CHSY1: variants seen among roughly 807,000 people sequenced by gnomAD.
CHSY1 encodes the protein chondroitin sulfate synthase 1.
In CHSY1, 13 loss-of-function variants were observed where a neutral mutation model predicts 59.8. The observed-to-expected ratio is 0.22, with a 90% CI of 0.14 to 0.35. The LOEUF (loss-of-function observed/expected upper bound fraction) is 0.35. Ranked by LOEUF, CHSY1 falls within the 10% of genes least tolerant of loss-of-function variation. The probability of loss-of-function intolerance (pLI) is 1.00; values close to 1 mark genes in which losing one functional copy is unlikely to be tolerated. For synonymous variants in CHSY1, 459 were observed against 401.2 expected (o/e 1.14, Z -1.72); for missense variants, 947 against 1,030.6 (o/e 0.92, Z 1.11).
rs1319828407 is a variant in CHSY1 at position 101,178,148 on chromosome 15, A to T, written c.1649T>A (p.Phe550Tyr). The T allele has an allele frequency of 1.2e-6, 2 of 1,614,198 alleles. No homozygotes were observed. Among genetic ancestry groups the T allele is most frequent in the Non-Finnish European group, 1.7e-6 (2 of 1,180,022 alleles). The change falls in exon 3 of 3, where the codon TTT becomes TAT. Residue 550 changes from phenylalanine to tyrosine, a missense_variant. Coordinates refer to ENST00000254190, the MANE Select transcript of CHSY1 (RefSeq NM_014918.5). ...ACACGTCTTCTCAAAGTTTCCCATA[A>T]ATCTCACAAACATGTCGAAACGCCC... is the stretch of plus-strand genomic sequence containing the variant. ...LSGRFDMFVR[F>Y]MGNFEKTCLI...
chr15:101,238,264 T>C (rs1467874380), intron 1 of CHSY1, among the ~76,000 whole-genome samples: 1 of 152,206 alleles, frequency 6.6e-6, no homozygotes, highest in African/African-American at 2.4e-5. Context: ...TCCAGAACTT[T>C]TTTCATCTTG....
At chr15:101,190,914 C>A (rs74660635) in intron 2 of CHSY1, among the ~76,000 whole-genome samples, 1 of 152,204 alleles carries the variant, frequency 6.6e-6, no homozygotes, top group South Asian at 2.1e-4. Flanking sequence ...CCGAGAGGAG[C>A]GACGCGAAAT....
chr15:101,244,076 A>T (rs28465510), intron 1 of CHSY1, among the ~76,000 whole-genome samples: 47,190 of 152,128 alleles, frequency 0.31, 10,027 homozygotes, highest in African/African-American at 0.61. Flanking sequence ...GTCTACAGAA[A>T]AAATGCTGCA....
intron 2 of CHSY1, among the ~76,000 whole-genome samples, chr15:101,224,894 A>G (rs534630490): frequency 1.3e-5 from 2 of 152,244 alleles, no homozygotes; most frequent in Non-Finnish European, 2.9e-5. Flanking sequence ...TGTTAGAACT[A>G]AAGACTCAAA....
chr15:101,220,074 T>C (rs527594596), intron 2 of CHSY1, among the ~76,000 whole-genome samples: 1 of 152,296 alleles, frequency 6.6e-6, no homozygotes, highest in Admixed American at 6.5e-5. Flanking sequence ...TTTTTAAACA[T>C]AATATTCACT....
Position 101,178,139 on chromosome 15 carries a change from T to C in CHSY1, c.1658A>G (p.Asn553Ser). The C allele has an allele frequency of 6.2e-7, 1 of 1,614,152 alleles. No homozygotes were observed. Among genetic ancestry groups the C allele is most frequent in the Non-Finnish European group, 8.5e-7 (1 of 1,180,000 alleles). The change falls in exon 3 of 3, where the codon AAC becomes AGC. Residue 553 changes from asparagine to serine, a missense_variant. Physicochemically the swap from Asn to Ser is conservative, Grantham distance 46. Transcript: ENST00000254190. ...GGGGATAAGACACGTCTTCTCAAAG[T>C]TTCCCATAAATCTCACAAACATGTC... Reference protein sequence around the residue: ...RFDMFVRFMGNFEKTCLIPNQ... With the variant: ...RFDMFVRFMGSFEKTCLIPNQ...
At chr15:101,238,941 A>C (rs953034761) in intron 1 of CHSY1, among the ~76,000 whole-genome samples, 1 of 152,198 alleles carries the variant, frequency 6.6e-6, no homozygotes, top group Non-Finnish European at 1.5e-5. Context: ...AAATGCGACA[A>C]TGTGTGAATG....
intron 1 of CHSY1, among the ~76,000 whole-genome samples, chr15:101,241,384 C>T (rs890765133): frequency 3.9e-5 from 6 of 152,174 alleles, no homozygotes; most frequent in South Asian, 2.1e-4. Context: ...CCATTGCGCC[C>T]GGCCAATAGT....
Position 101,178,694 on chromosome 15 carries a change from C to G in CHSY1, c.1103G>C (p.Arg368Pro). The change falls in exon 3 of 3, where the codon CGC becomes CCC. Residue 368 changes from arginine to proline, a missense_variant. Around this residue, in one of 4 missense-constraint regions of CHSY1, gnomAD observed 602 missense variants for 676.9 expected, o/e 0.89. Coordinates refer to ENST00000254190, the MANE Select transcript of CHSY1 (RefSeq NM_014918.5). ...IPPSFMRFQP[R>P]QREEILEWEF... ...CCATTCCAGAATCTCCTCTCGCTGG[C>G]GGGGCTGAAACCTCATGAAGGAGGG... The G allele has an allele frequency of 6.2e-7, 1 of 1,614,194 alleles. No homozygotes were observed. The highest frequency in any genetic ancestry group is 8.5e-7 in the Non-Finnish European group (1 of 1,180,040).
chr15:101,196,788 T>C (rs2038511817), intron 2 of CHSY1, among the ~76,000 whole-genome samples: 1 of 151,994 alleles, frequency 6.6e-6, no homozygotes, highest in African/African-American at 2.4e-5. Context: ...CTTTGGGAGG[T>C]CAAGGCAAGG....
intron 2 of CHSY1, among the ~76,000 whole-genome samples, chr15:101,192,758 G>A (rs576118033): frequency 6.6e-6 from 1 of 151,986 alleles, no homozygotes; most frequent in African/African-American, 2.4e-5. Flanking sequence ...TTATCCAAAG[G>A]TTAAGATGTC....
At chr15:101,198,735 C>T (rs905964713) in intron 2 of CHSY1, among the ~76,000 whole-genome samples, 4 of 152,238 alleles carry the variant, frequency 2.6e-5, no homozygotes, top group Admixed American at 6.5e-5. Context: ...CGGCACACTA[C>T]GGCCCACTGG....
At chr15:101,196,229 C>CA (rs533785067) in intron 2 of CHSY1, among the ~76,000 whole-genome samples, 3,888 of 80,810 alleles carry the variant, frequency 0.048, 58 homozygotes, top group African/African-American at 0.074. Flanking sequence ...GAAGCAGTCT[C>CA]AAAAAAAAAA....
intron 2 of CHSY1, among the ~76,000 whole-genome samples, chr15:101,192,994 T>A (rs1410966819): frequency 6.6e-6 from 1 of 152,196 alleles, no homozygotes; most frequent in African/African-American, 2.4e-5. Context: ...AACTAACATC[T>A]CTCGGAAGCT....
At chr15:101,250,840 T>C (rs939084679) in intron 1 of CHSY1, among the ~76,000 whole-genome samples, 2 of 152,228 alleles carry the variant, frequency 1.3e-5, no homozygotes, top group African/African-American at 4.8e-5. Context: ...CGGGCCCTTC[T>C]AACGAGAAGC....
chr15:101,176,401 A>C lies in CHSY1; in HGVS notation c.*987T>G. The C allele has an allele frequency of 2.5e-6, 1 of 398,592 alleles. No homozygotes were observed. The highest frequency in any genetic ancestry group is 4.4e-6 in the Non-Finnish European group (1 of 226,040). The allele number at this position is 398,592 out of a possible 1,614,324, so 24.7% of individuals were successfully genotyped here. A position where few individuals can be genotyped will look rare whatever the true frequency, so the allele number is the denominator to read the frequency against. ...GTATGTTTCAGTCTGTGTACATCAG[A>C]TTTATTGTAATAATTCATCTTTGTC... On this transcript the variant is annotated 3_prime_UTR_variant, in exon 3 of 3. Transcript: ENST00000254190.
chr15:101,187,018 G>A (rs1163103033), intron 2 of CHSY1, among the ~76,000 whole-genome samples: 1 of 152,066 alleles, frequency 6.6e-6, no homozygotes, highest in Non-Finnish European at 1.5e-5. Context: ...TATCTTCATT[G>A]ACTGAAACTA....
intron 2 of CHSY1, among the ~76,000 whole-genome samples, chr15:101,199,304 C>T (rs1033573380): frequency 1.3e-5 from 2 of 152,156 alleles, no homozygotes; most frequent in African/African-American, 2.4e-5. Flanking sequence ...GAGATGGAGA[C>T]CATCCTGGCT....
intron 1 of CHSY1, among the ~76,000 whole-genome samples, chr15:101,243,196 G>A (rs1253514648): frequency 6.6e-6 from 1 of 152,180 alleles, no homozygotes; most frequent in Non-Finnish European, 1.5e-5. Flanking sequence ...AATGGGAACA[G>A]AGACCACAAA....
Sources: allele counts gnomAD v4.1 joint callset (sites outside exome capture counted in the v4.1 genomes callset), GRCh38; gene constraint gnomAD v4.1.1; regional missense constraint gnomAD v4.1.1; transcripts MANE v1.5; gene names NCBI Gene and HGNC (gene_info 2026-07-23, HGNC 2026-07-21).